PIK3CG: variants seen among roughly 807,000 people sequenced by gnomAD.
The protein encoded by PIK3CG is phosphatidylinositol-4,5-bisphosphate 3-kinase catalytic subunit gamma.
In PIK3CG, 55 loss-of-function variants were observed where a neutral mutation model predicts 102.3. The observed-to-expected ratio is 0.54, with a 90% CI of 0.43 to 0.67. PIK3CG has a LOEUF of 0.67. Among genes scored for constraint, PIK3CG ranks in the 30% least tolerant of loss-of-function variants. PIK3CG has a pLI of 0.00. For missense variants in PIK3CG, 1,258 were observed against 1,391.8 expected (o/e 0.90, Z 1.53); for synonymous variants, 552 against 540.0 (o/e 1.02, Z -0.31).
At position 106,899,609 on chromosome 7, in the gene PIK3CG, T is replaced by C. The variant is rs534123779; in HGVS notation, c.3031-5500T>C. On this transcript the variant is annotated intron_variant, in intron 10 of 10. Coordinates refer to ENST00000496166, the MANE Select transcript of PIK3CG (RefSeq NM_001282426.2). This position sits in a 1 kb window ranked among gnomAD's most constrained non-coding sequence, Gnocchi z 4.6. The stretch of plus-strand genomic sequence containing the variant: ...TTTTATCGAAAGGCTTTTCTGTGTC[T>C]ATGGAGATAATCATGTGGTTTTTGT... Among the ~76,000 whole-genome samples, 1 of 152,348 alleles carries C rather than the reference T, an allele frequency of 6.6e-6. No individual in the cohort carries two copies. Among genetic ancestry groups the C allele is most frequent in the South Asian group, 2.1e-4 (1 of 4,822 alleles).
Position 106,902,815 on chromosome 7 carries a change from A to G in PIK3CG, c.3031-2294A>G, listed in dbSNP as rs1791595827. Among the ~76,000 whole-genome samples, 1 of 152,082 alleles carries G rather than the reference A, an allele frequency of 6.6e-6. No individual in the cohort carries two copies. Among genetic ancestry groups the G allele is most frequent in the Admixed American group, 6.6e-5 (1 of 15,260 alleles). On this transcript the variant is annotated intron_variant, in intron 10 of 10. Coordinates refer to ENST00000496166, the MANE Select transcript of PIK3CG (RefSeq NM_001282426.2). The surrounding 1 kb of genome is among the most constrained non-coding windows in gnomAD (Gnocchi z 4.3). ...CATTAAGCCACTTTTAATATTATGT[A>G]TAGCTTTTTTTCTCTCAAAAGTTTT...
rs1196381133 is a variant in PIK3CG at position 106,899,875 on chromosome 7, C to T, written c.3031-5234C>T. Among the ~76,000 whole-genome samples, 4 of 152,060 alleles carry T rather than the reference C, an allele frequency of 2.6e-5. No homozygotes were observed. The highest frequency in any genetic ancestry group is 6.6e-5 in the Admixed American group (1 of 15,256). On this transcript the variant is annotated intron_variant, in intron 10 of 10. Transcript: ENST00000496166. This position sits in a 1 kb window ranked among gnomAD's most constrained non-coding sequence, Gnocchi z 4.6. ...TCAAGATGATGCTGCTCTCATAGAACGAGTTGGGGAGGAGTCCCTCCTCAA... is the reference window on the plus strand; with the variant it reads ...TCAAGATGATGCTGCTCTCATAGAATGAGTTGGGGAGGAGTCCCTCCTCAA...
At chr7:106,875,775 A>G (rs965749205) in intron 5 of PIK3CG, among the ~76,000 whole-genome samples, 15 of 152,222 alleles carry the variant, frequency 9.9e-5, no homozygotes, top group African/African-American at 3.6e-4. Context: ...GTTGGGTCAG[A>G]TGGTGTGTGT....
chr7:106,865,561 C>T (rs1790250305), intron 1 of PIK3CG, 135 bp downstream of exon 1: 1 of 152,122 alleles, frequency 6.6e-6, no homozygotes, highest in Non-Finnish European at 1.5e-5. Flanking sequence ...GTTTCATTGT[C>T]TAGTCCAACC....
At position 106,884,319 on chromosome 7, in the gene PIK3CG, A is replaced by G; in HGVS notation, c.2872+53A>G. Reference sequence around the variant, plus strand: ...TTTATTGTGGTAAAATATATATAACATAACATTTACTATTTTAACTCTAAT... The same window carrying G: ...TTTATTGTGGTAAAATATATATAACGTAACATTTACTATTTTAACTCTAAT... On this transcript the variant is annotated intron_variant, in intron 9 of 10. Transcript: ENST00000496166. This position sits in a 1 kb window ranked among gnomAD's most constrained non-coding sequence, Gnocchi z 4.2. The G allele has an allele frequency of 8.7e-7, 1 of 1,144,362 alleles. No individual in the cohort carries two copies. The highest frequency in any genetic ancestry group is 1.3e-6 in the Non-Finnish European group (1 of 759,348). The allele number at this position is 1,144,362 out of a possible 1,614,324, so 70.9% of individuals were successfully genotyped here. A position where few individuals can be genotyped will look rare whatever the true frequency, so the allele number is the denominator to read the frequency against.
chr7:106,879,601 A>G lies in PIK3CG; in HGVS notation c.2474A>G (p.Asn825Ser). The G allele has an allele frequency of 1.9e-6, 3 of 1,613,102 alleles. No individual in the cohort carries two copies. The highest frequency in any genetic ancestry group is 4.5e-5 in the East Asian group (2 of 44,878). ...TGTGCCGATCCTACAGCCCTATCAA[A>G]TGAAACAATTGGAATTATCTTTAAA... ...FKCADPTALSNETIGIIFKHG... is the reference protein window; with the variant it reads ...FKCADPTALSSETIGIIFKHG... Residue 825 changes from asparagine (N) to serine (S), a missense_variant, in exon 6 of 11, where the codon AAT becomes AGT. Coordinates refer to ENST00000496166, the MANE Select transcript of PIK3CG (RefSeq NM_001282426.2). The surrounding 1 kb of genome is among the most constrained non-coding windows in gnomAD (Gnocchi z 4.9).
rs1196800615 is a variant in PIK3CG at position 106,868,483 on chromosome 7, G to C, written c.922G>C (p.Asp308His). 6.2e-7 allele frequency: 1 copy of C among 1,614,190 alleles called. No homozygotes were observed. Among genetic ancestry groups the C allele is most frequent in the Non-Finnish European group, 8.5e-7 (1 of 1,180,042 alleles). Reference protein sequence around the residue: ...KNGEEIHVVLDTPPDPALDEV... With the variant: ...KNGEEIHVVLHTPPDPALDEV... ...CGGAGAAGAGATTCACGTGGTACTGGACACGCCTCCAGACCCGGCCCTAGA... is the reference window on the plus strand; with the variant it reads ...CGGAGAAGAGATTCACGTGGTACTGCACACGCCTCCAGACCCGGCCCTAGA... Residue 308 changes from aspartate (D) to histidine (H), a missense_variant, in exon 2 of 11, where the codon GAC becomes CAC. Transcript: ENST00000496166. The surrounding 1 kb of genome is among the most constrained non-coding windows in gnomAD (Gnocchi z 6.2).
Position 106,902,284 on chromosome 7 carries a change from G to T in PIK3CG, c.3031-2825G>T, listed in dbSNP as rs576220438. Among the ~76,000 whole-genome samples the T allele has an allele frequency of 6.6e-6, 1 of 152,220 alleles. No homozygotes were observed. The highest frequency in any genetic ancestry group is 6.5e-5 in the Admixed American group (1 of 15,298). ...AATGCGGGGGGTGTGTGGGATGCACGGGAGACACACTGGCCTCCTCTCCTT... is the reference window on the plus strand; with the variant it reads ...AATGCGGGGGGTGTGTGGGATGCACTGGAGACACACTGGCCTCCTCTCCTT... On this transcript the variant is annotated intron_variant, in intron 10 of 10. Coordinates refer to ENST00000496166, the MANE Select transcript of PIK3CG (RefSeq NM_001282426.2). The surrounding 1 kb of genome is among the most constrained non-coding windows in gnomAD (Gnocchi z 4.3).
At chr7:106,875,920 T>G (rs1790719390) in intron 5 of PIK3CG, among the ~76,000 whole-genome samples, 2 of 148,824 alleles carry the variant, frequency 1.3e-5, no homozygotes, top group Non-Finnish European at 3.0e-5. Flanking sequence ...TTTTTTTTTT[T>G]TTTTTGAGAC....
At position 106,867,789 on chromosome 7, in the gene PIK3CG, G is replaced by A. The variant is rs2116421982; in HGVS notation, c.228G>A (p.Leu76=). Residue 76 remains leucine (L), a synonymous_variant, in exon 2 of 11, where the codon CTG becomes CTA. Transcript: ENST00000496166. This position sits in a 1 kb window ranked among gnomAD's most constrained non-coding sequence, Gnocchi z 5.1. The part of the protein sequence containing the change: ...NVEQMKAQVW[L]RALETSVAAD... The stretch of plus-strand genomic sequence containing the variant: ...AGCAGATGAAGGCCCAGGTGTGGCT[G>A]CGAGCGCTGGAGACCAGCGTGGCGG... The A allele has an allele frequency of 6.2e-7, 1 of 1,612,732 alleles. No individual in the cohort carries two copies. Among genetic ancestry groups the A allele is most frequent in the Admixed American group, 1.7e-5 (1 of 60,022 alleles).
rs1791319055 is a variant in PIK3CG, at chr7:106,893,459, GATA to G, written c.3030+7172_3030+7174del. 6.6e-6 allele frequency among the ~76,000 whole-genome samples: 1 copy of G among 152,170 alleles called. No homozygotes were observed. The highest frequency in any genetic ancestry group is 2.1e-4 in the South Asian group (1 of 4,830). ...AAAGATACGAATCCAAAACTGGAAA[GATA>G]ATAACCTTTTAATTGACATCATTCT... is the stretch of plus-strand genomic sequence containing the variant. On this transcript the variant is annotated intron_variant, in intron 10 of 10. Transcript: ENST00000496166. The surrounding 1 kb of genome is among the most constrained non-coding windows in gnomAD (Gnocchi z 4.4).
At position 106,874,565 on chromosome 7, in the gene PIK3CG, A is replaced by G; in HGVS notation, c.2288-135A>G. 1.5e-6 allele frequency: 1 copy of G among 656,560 alleles called. No individual in the cohort carries two copies. Among genetic ancestry groups the G allele is most frequent in the Non-Finnish European group, 2.6e-6 (1 of 383,252 alleles). 40.7% of individuals were successfully genotyped at this position (656,560 alleles called of 1,614,324 possible). A position where few individuals can be genotyped will look rare whatever the true frequency, so the allele number is the denominator to read the frequency against. ...GGTTAGCTCCTCAAAGGCAGGGCCCACCCACATTTCTCCTGCTCTACACCA... is the reference window on the plus strand; with the variant it reads ...GGTTAGCTCCTCAAAGGCAGGGCCCGCCCACATTTCTCCTGCTCTACACCA... On this transcript the variant is annotated intron_variant, in intron 4 of 10. Transcript: ENST00000496166. This position sits in a 1 kb window ranked among gnomAD's most constrained non-coding sequence, Gnocchi z 4.3.
Position 106,868,659 on chromosome 7 carries a change from A to C in PIK3CG, c.1098A>C (p.Arg366Ser). The C allele has an allele frequency of 6.2e-7, 1 of 1,614,220 alleles. No individual in the cohort carries two copies. Among genetic ancestry groups the C allele is most frequent in the South Asian group, 1.1e-5 (1 of 91,082 alleles). The part of the protein sequence containing the change: ...DCDRKFRVKI[R>S]GIDIPVLPRN... ...ACCGCAAGTTCAGGGTCAAGATCAG[A>C]GGCATTGATATCCCCGTCCTGCCTC... The change falls in exon 2 of 11, where the codon AGA becomes AGC. Residue 366 changes from arginine to serine, a missense_variant. Transcript: ENST00000496166. This position sits in a 1 kb window ranked among gnomAD's most constrained non-coding sequence, Gnocchi z 6.2.
In PIK3CG at chr7:106,872,495, A is replaced by G. The variant is rs1562956862; in HGVS notation, c.1996-42A>G. 2.0e-6 allele frequency: 3 copies of G among 1,490,186 alleles called. No individual in the cohort carries two copies. Among genetic ancestry groups the G allele is most frequent in the East Asian group, 2.3e-5 (1 of 44,276 alleles). 92.3% of individuals were successfully genotyped at this position (1,490,186 alleles called of 1,614,324 possible). ...ATTTCCTTTTCCCTGATTCAACGAC[A>G]TAGAGTACAGTCCTACAAATGCCAA... On this transcript the variant is annotated intron_variant, in intron 2 of 10. Coordinates refer to ENST00000496166, the MANE Select transcript of PIK3CG (RefSeq NM_001282426.2). This position sits in a 1 kb window ranked among gnomAD's most constrained non-coding sequence, Gnocchi z 5.3.
intron 5 of PIK3CG, among the ~76,000 whole-genome samples, chr7:106,878,695 G>A (rs1227301035): frequency 3.9e-5 from 6 of 152,176 alleles, no homozygotes; most frequent in African/African-American, 1.4e-4. Context: ...GGCAACTCCC[G>A]TAGCAGCGAA....
chr7:106,868,087 A>C lies in PIK3CG; in HGVS notation c.526A>C (p.Thr176Pro). 1 of 1,612,922 alleles carries C rather than the reference A, an allele frequency of 6.2e-7. No homozygotes were observed. Among genetic ancestry groups the C allele is most frequent in the Non-Finnish European group, 8.5e-7 (1 of 1,179,300 alleles). Residue 176 changes from threonine (T) to proline (P), a missense_variant, in exon 2 of 11, where the codon ACG (threonine) becomes CCG (proline). This residue lies in a region of PIK3CG where 832 missense variants were observed against 787.5 expected (regional missense o/e 1.06). Transcript: ENST00000496166. The surrounding 1 kb of genome is among the most constrained non-coding windows in gnomAD (Gnocchi z 6.2). ...SNVHDDELEF[T>P]RRGLVTPRMA... ...CGTGCACGACGATGAGCTGGAGTTC[A>C]CGCGCCGTGGCTTGGTGACCCCGCG...
chr7:106,872,897 T>C lies in PIK3CG; in HGVS notation c.2246T>C (p.Ile749Thr), dbSNP rs759802616. ...ATGTTACAAAAAGTCACCCTTGATA[T>C]TAAATCGCTCTCTGCTGAAAAGTAT... ...IEMLQKVTLD[I>T]KSLSAEKYDV... Residue 749 changes from isoleucine to threonine, a missense_variant, in exon 4 of 11, where the codon ATT becomes ACT. Physicochemically the swap from Ile to Thr is moderately conservative, Grantham distance 89. This residue lies in a region of PIK3CG where 426 missense variants were observed against 604.2 expected (regional missense o/e 0.71). Transcript: ENST00000496166. The surrounding 1 kb of genome is among the most constrained non-coding windows in gnomAD (Gnocchi z 5.3). The C allele has an allele frequency of 6.2e-7, 1 of 1,614,172 alleles. No individual in the cohort carries two copies. The highest frequency in any genetic ancestry group is 1.1e-5 in the South Asian group (1 of 91,090).
rs974175262 is a variant in PIK3CG, at chr7:106,865,303, G to C, written c.-136G>C. 5 of 152,152 alleles carry C rather than the reference G, an allele frequency of 3.3e-5. No individual in the cohort carries two copies. Among genetic ancestry groups the C allele is most frequent in the African/African-American group, 1.2e-4 (5 of 41,454 alleles). 9.4% of individuals were successfully genotyped at this position (152,152 alleles called of 1,614,324 possible). Reference sequence around the variant, plus strand: ...AACTGCAACACTTCCTCTGCATCTGGATATGAAGGGAGCCCCAGAAAAGCG... The same window carrying C: ...AACTGCAACACTTCCTCTGCATCTGCATATGAAGGGAGCCCCAGAAAAGCG... On this transcript the variant is annotated 5_prime_UTR_variant, in exon 1 of 11. Transcript: ENST00000496166.
At position 106,902,719 on chromosome 7, in the gene PIK3CG, AT is replaced by A. The variant is rs1791592700; in HGVS notation, c.3031-2385del. ...CTGGCCAATTATCTCTTTCTTATTG[AT>A]TTTTAAGAACTATTAGGGGGCTGGG... On this transcript the variant is annotated intron_variant, in intron 10 of 10. Coordinates refer to ENST00000496166, the MANE Select transcript of PIK3CG (RefSeq NM_001282426.2). This position sits in a 1 kb window ranked among gnomAD's most constrained non-coding sequence, Gnocchi z 4.3. 6.6e-6 allele frequency among the ~76,000 whole-genome samples: 1 copy of A among 151,776 alleles called. No individual in the cohort carries two copies. The highest frequency in any genetic ancestry group is 2.4e-5 in the African/African-American group (1 of 41,274).
Sources: gnomAD v4.1 joint callset for allele counts (sites outside exome capture counted in the v4.1 genomes callset) on GRCh38, gnomAD v4.1.1 for gene constraint, gnomAD v4.1.1 regional missense constraint, Gnocchi (gnomAD v3.1) non-coding constraint, MANE v1.5 for transcripts, NCBI Gene and HGNC (gene_info 2026-07-23, HGNC 2026-07-21) for gene names.